Variants in PDE1A observed in about 807,000 individuals in gnomAD.
PDE1A encodes phosphodiesterase 1A, also known as dual specificity calcium/calmodulin-dependent 3',5'-cyclic nucleotide phosphodiesterase 1A.
In PDE1A, 35 loss-of-function variants were observed where a neutral mutation model predicts 61.7. The observed-to-expected ratio is 0.57, with a 90% CI of 0.43 to 0.75. The LOEUF (loss-of-function observed/expected upper bound fraction) is 0.75. Ranked by LOEUF, PDE1A falls within the 30% of genes least tolerant of loss-of-function variation. The pLI is 0.00. For synonymous variants in PDE1A, 232 were observed against 213.2 expected, an observed-to-expected ratio of 1.09 and a Z score of -0.77; for missense variants, 597 against 630.6, an observed-to-expected ratio of 0.95 and a Z score of 0.57.
At chr2:182,336,733 G>A (rs982673420) in intron 1 of PDE1A, among the ~76,000 whole-genome samples, 9 of 150,580 alleles carry the variant, frequency 6.0e-5, no homozygotes, top group Admixed American at 4.7e-4. Flanking sequence ...AAAACTGCAC[G>A]TTTTGCACAT....
chr2:182,237,076 C>G (rs913881998), intron 3 of PDE1A, among the ~76,000 whole-genome samples: 1 of 152,146 alleles, frequency 6.6e-6, no homozygotes, highest in Non-Finnish European at 1.5e-5. Flanking sequence ...TTACAAGTTT[C>G]TGAAAAATGA....
At chr2:182,374,628 T>G (rs1700291491) in intron 1 of PDE1A, among the ~76,000 whole-genome samples, 1 of 152,110 alleles carries the variant, frequency 6.6e-6, no homozygotes, top group South Asian at 2.1e-4. Flanking sequence ...CTTCTACATA[T>G]AAATAATTAA....
chr2:182,561,622 A>C, the PDE1A span, among the ~76,000 whole-genome samples: 2 of 152,162 alleles, frequency 1.3e-5, no homozygotes, highest in Non-Finnish European at 2.9e-5. Context: ...TGGGAATGCT[A>C]TTGAATCTAT....
the PDE1A span, among the ~76,000 whole-genome samples, chr2:182,659,551 T>C: frequency 6.6e-6 from 1 of 152,220 alleles, no homozygotes; most frequent in African/African-American, 2.4e-5. Flanking sequence ...TATAAAGTTA[T>C]GTCTCTATTA....
the PDE1A span, among the ~76,000 whole-genome samples, chr2:182,605,376 G>A: frequency 3.3e-5 from 5 of 152,076 alleles, no homozygotes; most frequent in Non-Finnish European, 5.9e-5. Flanking sequence ...TCCAGGCAGA[G>A]GTGTCATTCC....
the PDE1A span, among the ~76,000 whole-genome samples, chr2:182,532,630 T>C: frequency 6.6e-6 from 1 of 152,188 alleles, no homozygotes; most frequent in South Asian, 2.1e-4. Context: ...TCACCTGGTA[T>C]GTTTACTAAA....
At chr2:182,180,226 AT>A (rs763351206) in intron 13 of PDE1A, among the ~76,000 whole-genome samples, 4 of 152,196 alleles carry the variant, frequency 2.6e-5, no homozygotes, top group Non-Finnish European at 5.9e-5. Flanking sequence ...ATGTATATAA[AT>A]GAATTATAGA....
At chr2:182,186,613 A>T (rs981964118) in intron 11 of PDE1A, 25 bp from the exon 12 acceptor site, 4 of 1,576,434 alleles carry the variant, frequency 2.5e-6, no homozygotes, top group Non-Finnish European at 3.4e-6. Context: ...ATGAGAAGAG[A>T]GAGAGATAAA....
chr2:182,242,926 C>G (rs1380976663), intron 2 of PDE1A, among the ~76,000 whole-genome samples: 1 of 31,786 alleles, frequency 3.1e-5, no homozygotes, highest in Non-Finnish European at 6.2e-5. Context: ...CTCTCTCTCT[C>G]GTGTGTGTAT....
chr2:182,608,700 G>A, the PDE1A span, among the ~76,000 whole-genome samples: 1 of 152,190 alleles, frequency 6.6e-6, no homozygotes, highest in Non-Finnish European at 1.5e-5. Context: ...GGACTCCTGC[G>A]CCTCCGGAGC....
At chr2:182,408,995 AC>A (rs1161414083) in intron 1 of PDE1A, among the ~76,000 whole-genome samples, 1 of 152,204 alleles carries the variant, frequency 6.6e-6, no homozygotes, top group East Asian at 1.9e-4. Flanking sequence ...GCCCAGAGCC[AC>A]AGGTCTTCTG....
At chr2:182,345,391 G>A (rs1330171351) in intron 1 of PDE1A, among the ~76,000 whole-genome samples, 1 of 152,072 alleles carries the variant, frequency 6.6e-6, no homozygotes, top group African/African-American at 2.4e-5. Context: ...CTTGCCTATA[G>A]TACACCAATA....
intron 1 of PDE1A, among the ~76,000 whole-genome samples, chr2:182,367,873 C>T (rs1264142258): frequency 6.6e-6 from 1 of 151,824 alleles, no homozygotes; most frequent in Non-Finnish European, 1.5e-5. Flanking sequence ...ATATAATTGG[C>T]CTACAAAAAG....
chr2:182,638,183 G>A, the PDE1A span, among the ~76,000 whole-genome samples: 1 of 152,002 alleles, frequency 6.6e-6, no homozygotes, highest in Non-Finnish European at 1.5e-5. Context: ...AAAGGATGAG[G>A]GATTGCTCAT....
intron 13 of PDE1A, among the ~76,000 whole-genome samples, chr2:182,180,430 G>A (rs1056287299): frequency 1.3e-5 from 2 of 152,138 alleles, no homozygotes; most frequent in African/African-American, 2.4e-5. Flanking sequence ...CTTCTAGCTT[G>A]TAGGGTTTCT....
At chr2:182,668,486 CCA>C in the PDE1A span, among the ~76,000 whole-genome samples, 5 of 151,788 alleles carry the variant, frequency 3.3e-5, no homozygotes, top group African/African-American at 1.2e-4. Context: ...TAACTGTAAG[CCA>C]CACACACATG....
intron 1 of PDE1A, among the ~76,000 whole-genome samples, chr2:182,426,074 C>A (rs1160133309): frequency 6.6e-6 from 1 of 152,138 alleles, no homozygotes; most frequent in Non-Finnish European, 1.5e-5. Context: ...TTTCCTATCA[C>A]CCTGTTGTTT....
rs575556221 is a variant in PDE1A, at chr2:182,502,314, G to A, written c.101+19962C>T. ...CCTTACTGCTCACCTACTCTCTTTC[G>A]TGTGTGTGTGTGTGTGTGTTTGTGT... On this transcript the variant is annotated intron_variant, in intron 2 of 14. Coordinates refer to the PDE1A transcript ENST00000410103. 1.3e-3 allele frequency among the ~76,000 whole-genome samples: 86 copies of A among 64,488 alleles called. 4 individuals carry two copies. In the South Asian group the frequency reaches 0.047, roughly 35 times the overall value. 42.3% of individuals were successfully genotyped at this position (64,488 alleles called of 152,430 possible). A position where few individuals can be genotyped will look rare whatever the true frequency, so the allele number is the denominator to read the frequency against.
intron 1 of PDE1A, among the ~76,000 whole-genome samples, chr2:182,287,895 C>T (rs1418087844): frequency 6.6e-6 from 1 of 152,088 alleles, no homozygotes; most frequent in Non-Finnish European, 1.5e-5. Context: ...TAGTAAACCA[C>T]TTAATTTTTC....
Sources: allele counts gnomAD v4.1 joint callset (sites outside exome capture counted in the v4.1 genomes callset), GRCh38; gene constraint gnomAD v4.1.1; transcripts MANE v1.5; gene names NCBI Gene and HGNC (gene_info 2026-07-23, HGNC 2026-07-21).